PLEKHA2: variants seen among roughly 807,000 people sequenced by gnomAD.
PLEKHA2 encodes the protein pleckstrin homology domain containing A2, also known as pleckstrin homology domain-containing family A member 2.
PLEKHA2 carries 28 observed loss-of-function variants against 53.2 expected under a neutral mutation model. That is an observed-to-expected ratio of 0.53 (90% CI 0.39 to 0.72). The LOEUF is 0.72. Among genes scored for constraint, PLEKHA2 ranks in the 30% least tolerant of loss-of-function variants. The pLI is 0.00. For missense variants in PLEKHA2, 426 were observed against 537.9 expected, an observed-to-expected ratio of 0.79 and a Z score of 2.06; for synonymous variants, 193 against 196.4, an observed-to-expected ratio of 0.98 and a Z score of 0.14.
chr8:38,969,545 C>A lies in PLEKHA2; in HGVS notation c.1040C>A (p.Ala347Asp). Residue 347 changes from alanine to aspartate, a missense_variant, in exon 12 of 12, where the codon GCC becomes GAC. Physicochemically the swap from Ala to Asp is moderately radical, Grantham distance 126. Transcript: ENST00000617275. ...GAGGAAAAGAAAGCCCTCTGCAAAG[C>A]CCCCTCTGTGGCCTCCTCCTGGCAG... ...PLEEKKALCKAPSVASSWQPW... is the reference protein window; with the variant it reads ...PLEEKKALCKDPSVASSWQPW... 1 of 1,612,612 alleles carries A rather than the reference C, an allele frequency of 6.2e-7. No homozygotes were observed. Among genetic ancestry groups the A allele is most frequent in the South Asian group, 1.1e-5 (1 of 90,796 alleles).
At chr8:38,940,613 A>G (rs1197211014) in intron 3 of PLEKHA2, among the ~76,000 whole-genome samples, 1 of 118,382 alleles carries the variant, frequency 8.4e-6, no homozygotes, top group Non-Finnish European at 1.6e-5. Flanking sequence ...AGGTGTAAGC[A>G]GGACAGAAGT....
intron 2 of PLEKHA2, among the ~76,000 whole-genome samples, chr8:38,919,180 A>C (rs1834135368): frequency 6.6e-6 from 1 of 152,150 alleles, no homozygotes; most frequent in Non-Finnish European, 1.5e-5. Context: ...ATGAGAAGAG[A>C]GCCTCAGACA....
intron 2 of PLEKHA2, among the ~76,000 whole-genome samples, chr8:38,929,611 G>A (rs937662253): frequency 1.3e-5 from 2 of 152,348 alleles, no homozygotes; most frequent in Admixed American, 1.3e-4. Flanking sequence ...TGTGAAATGG[G>A]ATTGTTAGGA....
chr8:38,917,152 G>A (rs1834076047), intron 1 of PLEKHA2, among the ~76,000 whole-genome samples: 1 of 152,040 alleles, frequency 6.6e-6, no homozygotes, highest in African/African-American at 2.4e-5. Context: ...AGTTGTTTGA[G>A]CTCTTTATAT....
At chr8:38,935,834 T>C (rs1352226698) in intron 2 of PLEKHA2, among the ~76,000 whole-genome samples, 160 bp from the exon 3 acceptor site, 2 of 152,230 alleles carry the variant, frequency 1.3e-5, no homozygotes, top group Non-Finnish European at 2.9e-5. Context: ...CCAGGAATTA[T>C]CATCACTGTT....
intron 2 of PLEKHA2, among the ~76,000 whole-genome samples, chr8:38,935,542 C>G (rs1834478126): frequency 6.6e-6 from 1 of 151,844 alleles, no homozygotes; most frequent in Admixed American, 6.6e-5. Flanking sequence ...ACTCAGCCTT[C>G]CATGGAGGTG....
At position 38,918,086 on chromosome 8, in the gene PLEKHA2, G is replaced by A; in HGVS notation, c.141+16G>A. On this transcript the variant is annotated intron_variant, in intron 2 of 11. Coordinates refer to ENST00000617275, the MANE Select transcript of PLEKHA2 (RefSeq NM_021623.2). ...CAACCCCCAGGTGAGAGGGTCAGTG[G>A]GAAGGGGTGGGGCGACTGGGTGCCC... The A allele has an allele frequency of 1.2e-6, 2 of 1,610,034 alleles. No homozygotes were observed. Among genetic ancestry groups the A allele is most frequent in the Non-Finnish European group, 1.7e-6 (2 of 1,177,866 alleles).
At chr8:38,953,228 G>A (rs928432480) in intron 8 of PLEKHA2, 69 bp from the exon 9 acceptor site, 4 of 1,275,640 alleles carry the variant, frequency 3.1e-6, no homozygotes, top group Non-Finnish European at 4.6e-6. Flanking sequence ...AGGGGTATTG[G>A]TCAGCTGGTC....
At chr8:38,960,543 G>GA (rs1375258419) in intron 10 of PLEKHA2, among the ~76,000 whole-genome samples, 1 of 151,692 alleles carries the variant, frequency 6.6e-6, no homozygotes, top group Admixed American at 6.6e-5. Flanking sequence ...CAGATTTTGT[G>GA]AAAAAAACAT....
At position 38,918,957 on chromosome 8, in the gene PLEKHA2, C is replaced by T. The variant is rs560078304; in HGVS notation, c.141+887C>T. Among the ~76,000 whole-genome samples, 25 of 152,360 alleles carry T rather than the reference C, an allele frequency of 1.6e-4. No homozygotes were observed. The East Asian group carries it at 4.8e-3, about 29-fold the overall frequency. On this transcript the variant is annotated intron_variant, in intron 2 of 11. Transcript: ENST00000617275. ...CAAGTCCTGGATCCAGGCTCCAAGGCATGGCTTGCTTCCTGTTACTTCTCT... is the reference window on the plus strand; with the variant it reads ...CAAGTCCTGGATCCAGGCTCCAAGGTATGGCTTGCTTCCTGTTACTTCTCT...
chr8:38,909,000 G>A (rs1163865328), intron 1 of PLEKHA2, among the ~76,000 whole-genome samples: 1 of 152,104 alleles, frequency 6.6e-6, no homozygotes, highest in Non-Finnish European at 1.5e-5. Context: ...AAAATCAGCT[G>A]GGCGTGGTGG....
chr8:38,931,853 T>C (rs768595865), intron 2 of PLEKHA2, among the ~76,000 whole-genome samples: 1 of 152,186 alleles, frequency 6.6e-6, no homozygotes, highest in Non-Finnish European at 1.5e-5. Context: ...TGACCAGCTG[T>C]TCTTAAACTT....
rs895888234 is a variant in PLEKHA2, at chr8:38,973,345, A to T, written c.*3562A>T. On this transcript the variant is annotated 3_prime_UTR_variant, in exon 12 of 12. Transcript: ENST00000617275. Reference sequence around the variant, plus strand: ...CAGCTTCTTAGTCTACTTGAAGCAAATTTTTTTTCTTTTATATTTCTGAAT... The same window carrying T: ...CAGCTTCTTAGTCTACTTGAAGCAATTTTTTTTTCTTTTATATTTCTGAAT... The T allele has an allele frequency of 1.3e-5, 2 of 151,796 alleles. No homozygotes were observed. The highest frequency in any genetic ancestry group is 6.6e-5 in the Admixed American group (1 of 15,218). 9.4% of individuals were successfully genotyped at this position (151,796 alleles called of 1,614,324 possible).
intron 9 of PLEKHA2, among the ~76,000 whole-genome samples, chr8:38,955,815 T>G (rs1013757586): frequency 6.6e-6 from 1 of 152,128 alleles, no homozygotes; most frequent in Non-Finnish European, 1.5e-5. Context: ...TTTGCTTCCT[T>G]ATGTTCTTTT....
chr8:38,905,919 C>T (rs1278721754), intron 1 of PLEKHA2, among the ~76,000 whole-genome samples: 15 of 152,286 alleles, frequency 9.8e-5, no homozygotes, highest in Admixed American at 3.9e-4. Context: ...CTCCTGACCT[C>T]GTGATCCACC....
intron 2 of PLEKHA2, among the ~76,000 whole-genome samples, chr8:38,928,949 G>A (rs1050666881): frequency 3.7e-4 from 57 of 152,298 alleles, no homozygotes; most frequent in African/African-American, 1.4e-3. Context: ...CCCTGCTTTG[G>A]TTGCTCATGT....
At chr8:38,913,350 C>T (rs1363603962) in intron 1 of PLEKHA2, among the ~76,000 whole-genome samples, 10 of 133,844 alleles carry the variant, frequency 7.5e-5, no homozygotes, top group African/African-American at 8.7e-5. Context: ...GGTGACATAG[C>T]GAGACTCCAT....
At chr8:38,958,475 C>G (rs1392679142) in intron 10 of PLEKHA2, among the ~76,000 whole-genome samples, 1 of 152,226 alleles carries the variant, frequency 6.6e-6, no homozygotes, top group Admixed American at 6.5e-5. Context: ...CCTCCCTTCC[C>G]CAAGGAGCTG....
chr8:38,926,324 A>T (rs985199631), intron 2 of PLEKHA2, among the ~76,000 whole-genome samples: 1 of 152,060 alleles, frequency 6.6e-6, no homozygotes, highest in Non-Finnish European at 1.5e-5. Flanking sequence ...TAAGTGACAA[A>T]TCTGTACTTT....
Sources: allele counts gnomAD v4.1 joint callset (sites outside exome capture counted in the v4.1 genomes callset), GRCh38; gene constraint gnomAD v4.1.1; transcripts MANE v1.5; gene names NCBI Gene and HGNC (gene_info 2026-07-23, HGNC 2026-07-21).